Variants in C1R observed in about 807,000 individuals in gnomAD.
C1R encodes the protein complement C1r subcomponent.
A neutral mutation model predicts 27.6 loss-of-function variants in C1R; 15 were observed. The ratio of observed to expected loss-of-function variants is 0.54; its 90% CI spans 0.36 to 0.84. The LOEUF is 0.84. Ranked by LOEUF, C1R falls within the 40% of genes least tolerant of loss-of-function variation. C1R has a pLI of 0.01. For missense variants in C1R, 544 were observed against 577.9 expected (o/e 0.94, Z 0.60); for synonymous variants, 253 against 228.8 (o/e 1.11, Z -0.95).
At chr12:7,092,294 G>A (rs371558897) in intron 1 of C1R, 93 bp downstream of exon 1, 2 of 776,350 alleles carry the variant, frequency 2.6e-6, no homozygotes, top group African/African-American at 1.7e-5. Flanking sequence ...TGTGAAGAGA[G>A]AAGGGTGTTC....
rs1331649875 is a variant in C1R, at chr12:7,091,389, ACAGATCC to A, written c.231+56_231+62del. The stretch of plus-strand genomic sequence containing the variant: ...CTGTGTCTGGGGGTGTGCATGCCAT[ACAGATCC>A]CAGATCCCAGAGGGCCCAGTTTTGT... On this transcript the variant is annotated intron_variant, in intron 2 of 10. Coordinates refer to ENST00000647956, the MANE Select transcript of C1R (RefSeq NM_001733.7). The surrounding 1 kb of genome is among the most constrained non-coding windows in gnomAD (Gnocchi z 5.1). The A allele has an allele frequency of 1.4e-6, 1 of 710,028 alleles. No homozygotes were observed. Among genetic ancestry groups the A allele is most frequent in the Admixed American group, 2.1e-5 (1 of 47,038 alleles). 44.0% of individuals were successfully genotyped at this position (710,028 alleles called of 1,614,324 possible).
chr12:7,089,831 A>G (rs563648384), intron 3 of C1R, 98 bp from the exon 4 acceptor site: 231 of 718,722 alleles, frequency 3.2e-4, no homozygotes, highest in Non-Finnish European at 5.4e-4. Context: ...CTAAAGACAA[A>G]GGCATCTTTA....
In C1R at chr12:7,082,708, C is replaced by A. The variant is rs1043782634; in HGVS notation, c.1274-602G>T. Among the ~76,000 whole-genome samples the A allele has an allele frequency of 2.6e-5, 4 of 152,274 alleles. No homozygotes were observed. The South Asian group carries it at 8.3e-4, about 32-fold the overall frequency. The stretch of plus-strand genomic sequence containing the variant: ...GACATAAAAACCAGAAGGAATATAT[C>A]AAAATCTTATCAGTGATTGCATCTT... On this transcript the variant is annotated intron_variant, in intron 9 of 10. Coordinates refer to ENST00000647956, the MANE Select transcript of C1R (RefSeq NM_001733.7).
chr12:7,082,642 C>A (rs1274184966), intron 9 of C1R, among the ~76,000 whole-genome samples: 1 of 152,074 alleles, frequency 6.6e-6, no homozygotes, highest in Non-Finnish European at 1.5e-5. Context: ...GAATGCTTAA[C>A]TATTAACATA....
intron 3 of C1R, 72 bp from the exon 4 acceptor site, chr12:7,089,805 G>A (rs779247472): frequency 9.4e-6 from 7 of 748,156 alleles, no homozygotes; most frequent in Admixed American, 1.9e-5. Context: ...TCTTAGGGAG[G>A]TCACTCACCA....
intron 3 of C1R, 140 bp from the exon 4 acceptor site, chr12:7,089,873 T>C: frequency 1.4e-6 from 1 of 711,888 alleles, no homozygotes; most frequent in Non-Finnish European, 2.6e-6. Context: ...TCTCCAATGC[T>C]CTCTGGGGAC....
intron 8 of C1R, 36 bp downstream of exon 8, chr12:7,086,343 A>G: frequency 2.5e-6 from 1 of 398,516 alleles, no homozygotes; most frequent in Non-Finnish European, 4.4e-6. Context: ...AGGAGGTGGG[A>G]GGTCCCCAGG....
chr12:7,081,231 G>T lies in C1R; in HGVS notation c.1419C>A (p.Gly473=), dbSNP rs993200127. 6.2e-7 allele frequency: 1 copy of T among 1,613,026 alleles called. No individual in the cohort carries two copies. The highest frequency in any genetic ancestry group is 1.3e-5 in the African/African-American group (1 of 75,034). The change falls in exon 11 of 11, where the codon GGC becomes GGA. Residue 473 remains glycine (G), a synonymous_variant. Coordinates refer to ENST00000647956, the MANE Select transcript of C1R (RefSeq NM_001733.7). ...TGGTGAACACCTGCCAGGGGAAGTT[G>T]CCCATCTTGGCTTTTTGCCCTCCGA... ...RIIGGQKAKM[G]NFPWQVFTNI...
chr12:7,086,521 T>C (rs970427067), intron 7 of C1R, 64 bp from the exon 8 acceptor site: 5 of 398,010 alleles, frequency 1.3e-5, no homozygotes, highest in Middle Eastern at 1.2e-3. Flanking sequence ...CTTCCTGCCC[T>C]TTCCACACAG....
chr12:7,088,522 G>A (rs1275998169), intron 7 of C1R, 88 bp downstream of exon 7: 1 of 718,176 alleles, frequency 1.4e-6, no homozygotes, highest in Non-Finnish European at 2.6e-6. Flanking sequence ...ACTCCAGCTG[G>A]GGTGAGACTA....
chr12:7,088,797 C>T, intron 6 of C1R, 42 bp downstream of exon 6: 1 of 774,868 alleles, frequency 1.3e-6, no homozygotes, highest in Non-Finnish European at 2.4e-6. Context: ...CCCCCCTTTT[C>T]CCCATTGCTG....
In C1R at chr12:7,088,920, T is replaced by A. The variant is rs1319346592; in HGVS notation, c.835A>T (p.Ser279Cys). 1.3e-6 allele frequency: 1 copy of A among 770,074 alleles called. No homozygotes were observed. Among genetic ancestry groups the A allele is most frequent in the Admixed American group, 1.7e-5 (1 of 57,272 alleles). 47.7% of individuals were successfully genotyped at this position (770,074 alleles called of 1,614,324 possible). Reference sequence around the variant, plus strand: ...AACAGCAGATCCACAGCATTGCTGCTGGTGTCGAGGTCGGGGGGCCTTTGC... The same window carrying A: ...AACAGCAGATCCACAGCATTGCTGCAGGTGTCGAGGTCGGGGGGCCTTTGC... ...GKQRPPDLDT[S>C]SNAVDLLFFT... The change falls in exon 6 of 11, where the codon AGC becomes TGC. Residue 279 changes from serine (S) to cysteine (C), a missense_variant. Ser to Cys is a moderately radical substitution (Grantham distance 112, BLOSUM62 -1). Around this residue, in one of 2 missense-constraint regions of C1R, gnomAD observed 291 missense variants for 209.0 expected, o/e 1.39. Transcript: ENST00000647956.
At chr12:7,086,670 C>A in intron 7 of C1R, 1 of 373,856 alleles carries the variant, frequency 2.7e-6, no homozygotes, top group Non-Finnish European at 4.8e-6. Flanking sequence ...CACACCACAG[C>A]AAGTCAGAGC....
intron 10 of C1R, among the ~76,000 whole-genome samples, 177 bp from the exon 11 acceptor site, chr12:7,081,478 T>G (rs2135737859): frequency 7.6e-6 from 1 of 131,772 alleles, no homozygotes; most frequent in South Asian, 2.5e-4. Flanking sequence ...TTGTTCTTGT[T>G]TTTTTTTTTT....
At chr12:7,092,023 C>T in intron 1 of C1R, 3 of 558,964 alleles carry the variant, frequency 5.4e-6, no homozygotes, top group Non-Finnish European at 9.7e-6. Context: ...AGGGTTTCCA[C>T]CCGTGGGTCT....
intron 2 of C1R, among the ~76,000 whole-genome samples, chr12:7,090,964 A>G (rs972105617): frequency 2.0e-5 from 3 of 152,154 alleles, no homozygotes; most frequent in Non-Finnish European, 4.4e-5. Context: ...TTTTTACTGG[A>G]TAGAGAAAGA....
chr12:7,091,736 T>G lies in C1R; in HGVS notation c.3-56A>C, dbSNP rs1457687540. 1.4e-6 allele frequency: 1 copy of G among 717,818 alleles called. No individual in the cohort carries two copies. Among genetic ancestry groups the G allele is most frequent in the Non-Finnish European group, 2.6e-6 (1 of 385,174 alleles). 44.5% of individuals were successfully genotyped at this position (717,818 alleles called of 1,614,324 possible). A position where few individuals can be genotyped will look rare whatever the true frequency, so the allele number is the denominator to read the frequency against. On this transcript the variant is annotated intron_variant, in intron 1 of 10. Coordinates refer to ENST00000647956, the MANE Select transcript of C1R (RefSeq NM_001733.7). This position sits in a 1 kb window ranked among gnomAD's most constrained non-coding sequence, Gnocchi z 5.1. ...GGAGGGGTTCAGCACTCTTGCCATGTGGGCAGTGGCTGTGGCAGGGGATGA... is the reference window on the plus strand; with the variant it reads ...GGAGGGGTTCAGCACTCTTGCCATGGGGGCAGTGGCTGTGGCAGGGGATGA...
intron 7 of C1R, 85 bp from the exon 8 acceptor site, chr12:7,086,542 C>T: frequency 5.0e-6 from 2 of 396,842 alleles, no homozygotes; most frequent in Non-Finnish European, 8.9e-6. Context: ...GAGTGGGAGG[C>T]AATACCAAGA....
rs2135741512 is a variant in C1R at position 7,086,730 on chromosome 12, C to T, written c.1039-273G>A. ...TCCTCTCTCTAGACTGTGGCCTGTT[C>T]CTACTGAGGTCCAGTTGAATCCCAC... On this transcript the variant is annotated intron_variant, in intron 7 of 10. Transcript: ENST00000647956. 21 of 313,308 alleles carry T rather than the reference C, an allele frequency of 6.7e-5. No homozygotes were observed. The East Asian group carries it at 1.0e-3, about 16-fold the overall frequency. The allele number at this position is 313,308 out of a possible 1,614,324, so 19.4% of individuals were successfully genotyped here.
Sources: allele counts gnomAD v4.1 joint callset (sites outside exome capture counted in the v4.1 genomes callset), GRCh38; gene constraint gnomAD v4.1.1; regional missense constraint gnomAD v4.1.1; non-coding constraint Gnocchi (gnomAD v3.1); transcripts MANE v1.5; gene names NCBI Gene and HGNC (gene_info 2026-07-23, HGNC 2026-07-21).